The following SLC7A2 variants were observed in gnomAD, a reference collection of about 807,000 sequenced individuals.
SLC7A2 encodes cationic amino acid transporter 2.
SLC7A2 carries 48 observed loss-of-function variants against 58.9 expected under a neutral mutation model. The observed-to-expected ratio is 0.82, with a 90% CI of 0.65 to 1.04. The LOEUF is 1.04. Among genes scored for constraint, SLC7A2 ranks in the 50% least tolerant of loss-of-function variants. The probability of loss-of-function intolerance (pLI) is 0.00; values close to 1 mark genes in which losing one functional copy is unlikely to be tolerated. For missense variants in SLC7A2, 1,029 were observed against 818.8 expected (o/e 1.26, Z -3.13); for synonymous variants, 363 against 314.5 (o/e 1.15, Z -1.63).
intron 10 of SLC7A2, among the ~76,000 whole-genome samples, chr8:17,560,756 C>A: frequency 6.6e-6 from 1 of 152,100 alleles, no homozygotes; most frequent in East Asian, 1.9e-4. Context: ...AGGAATACTT[C>A]AAGACGAGAG....
chr8:17,556,662 G>A (rs1802718198), intron 8 of SLC7A2, among the ~76,000 whole-genome samples: 1 of 151,834 alleles, frequency 6.6e-6, no homozygotes, highest in East Asian at 1.9e-4. Flanking sequence ...AGGCTGGAGT[G>A]TAGTGGCACG....
At chr8:17,549,782 C>G (rs10100029) in intron 5 of SLC7A2, among the ~76,000 whole-genome samples, 15 of 152,136 alleles carry the variant, frequency 9.9e-5, no homozygotes, top group African/African-American at 3.6e-4. Context: ...ATCCTATAAA[C>G]TTACATAGTT....
chr8:17,565,372 A>G lies in SLC7A2; in HGVS notation c.*226A>G. ...ATTCATCAGTGATGAATAGCCCCCA[A>G]ACAGTGGGAGTGTGTATGTATGTGT... On this transcript the variant is annotated 3_prime_UTR_variant, in exon 13 of 13. Transcript: ENST00000494857. The G allele has an allele frequency of 1.9e-6, 1 of 527,314 alleles. No homozygotes were observed. The highest frequency in any genetic ancestry group is 3.2e-5 in the East Asian group (1 of 31,556). The allele number at this position is 527,314 out of a possible 1,614,324, so 32.7% of individuals were successfully genotyped here.
Position 17,544,335 on chromosome 8 carries a change from T to C in SLC7A2, c.377-116T>C, listed in dbSNP as rs1802062112. ...ATTATAAATATCCAGATACTGTATA[T>C]GTGATTAAAATTTTCAATCTTTTGT... On this transcript the variant is annotated intron_variant, in intron 3 of 12. Transcript: ENST00000494857. 4 of 787,476 alleles carry C rather than the reference T, an allele frequency of 5.1e-6. No homozygotes were observed. The Admixed American group carries it at 7.0e-5, about 14-fold the overall frequency. The allele number at this position is 787,476 out of a possible 1,614,324, so 48.8% of individuals were successfully genotyped here.
At chr8:17,542,031 T>A (rs1801934982) in intron 2 of SLC7A2, among the ~76,000 whole-genome samples, 1 of 152,168 alleles carries the variant, frequency 6.6e-6, no homozygotes. Flanking sequence ...TTTGGACTTA[T>A]TTATCTAGAA....
chr8:17,554,731 G>C (rs1802610332), intron 8 of SLC7A2, 32 bp downstream of exon 8: 1 of 1,586,566 alleles, frequency 6.3e-7, no homozygotes, highest in Non-Finnish European at 8.6e-7. Context: ...TTCAGAAACG[G>C]GGGATCTTTT....
chr8:17,523,858 A>G (rs759526878), intron 2 of SLC7A2, among the ~76,000 whole-genome samples: 17 of 152,214 alleles, frequency 1.1e-4, no homozygotes, highest in Non-Finnish European at 2.1e-4. Context: ...TTCACAGTCT[A>G]TACATCTGAC....
At chr8:17,499,896 T>A (rs1245414228) in intron 1 of SLC7A2, 1 of 152,250 alleles carries the variant, frequency 6.6e-6, no homozygotes. Context: ...TAACTTTTCA[T>A]TTTAGTACCT....
chr8:17,517,027 G>C (rs940685642), intron 2 of SLC7A2, among the ~76,000 whole-genome samples: 2 of 152,188 alleles, frequency 1.3e-5, no homozygotes, highest in African/African-American at 4.8e-5. Flanking sequence ...AAGCAGGCTT[G>C]TGCTGTTAAG....
At chr8:17,520,324 C>A (rs1443918883) in intron 2 of SLC7A2, among the ~76,000 whole-genome samples, 1 of 151,972 alleles carries the variant, frequency 6.6e-6, no homozygotes, top group African/African-American at 2.4e-5. Flanking sequence ...ATAAAATGCA[C>A]ACACACGCAC....
intron 1 of SLC7A2, among the ~76,000 whole-genome samples, chr8:17,501,492 T>A (rs145550103): frequency 1.3e-5 from 2 of 152,090 alleles, no homozygotes; most frequent in African/African-American, 2.4e-5. Context: ...TAGTATTATT[T>A]AGACTTTTAT....
chr8:17,520,640 TTAAAAAAAAAAAA>T, intron 2 of SLC7A2: 1 of 44,608 alleles, frequency 2.2e-5, no homozygotes, highest in Non-Finnish European at 3.3e-5. Flanking sequence ...GACTCTGTCT[TTAAAAAAAAAAAA>T]AAAAAAAAAA....
intron 9 of SLC7A2, among the ~76,000 whole-genome samples, chr8:17,559,759 A>G (rs1472615848): frequency 6.6e-6 from 1 of 152,202 alleles, no homozygotes; most frequent in African/African-American, 2.4e-5. Context: ...GCCAAACCAT[A>G]TCACGGCTGA....
At position 17,543,189 on chromosome 8, in the gene SLC7A2, AACACACACACACACAC is replaced by A. The variant is rs112878892; in HGVS notation, c.-22-117_-22-102del. ...TCACTGCATCTCTTCTAACAAGTGAAACACACACACACACACACACACACACAAACACACACACACA... is the reference window on the plus strand; with the variant it reads ...TCACTGCATCTCTTCTAACAAGTGAAACACACACACAAACACACACACACA... On this transcript the variant is annotated intron_variant, in intron 2 of 12. Coordinates refer to ENST00000494857, the MANE Select transcript of SLC7A2 (RefSeq NM_001370338.1). 1.6e-5 allele frequency: 11 copies of A among 673,590 alleles called. No homozygotes were observed. The Admixed American group carries it at 3.4e-4, about 21-fold the overall frequency. 41.7% of individuals were successfully genotyped at this position (673,590 alleles called of 1,614,324 possible).
intron 4 of SLC7A2, among the ~76,000 whole-genome samples, chr8:17,548,254 T>C (rs1802272192): frequency 6.6e-6 from 1 of 152,148 alleles, no homozygotes; most frequent in South Asian, 2.1e-4. Flanking sequence ...GGTGAGAGAA[T>C]TGTTTGAGCA....
rs920855352 is a variant in SLC7A2 at position 17,565,053 on chromosome 8, A to G, written c.1884A>G (p.Ala628=). ...CTTATCCAGACAACGTTCATGCAGC[A>G]GCAGAAGAAAAATCTGCCATTCAAG... ...EDAYPDNVHA[A]AEEKSAIQAN... The change falls in exon 13 of 13, where the codon GCA becomes GCG. Residue 628 remains alanine, a synonymous_variant. Transcript: ENST00000494857. The G allele has an allele frequency of 1.9e-6, 3 of 1,614,048 alleles. No individual in the cohort carries two copies. The highest frequency in any genetic ancestry group is 2.5e-6 in the Non-Finnish European group (3 of 1,179,942).
intron 2 of SLC7A2, among the ~76,000 whole-genome samples, chr8:17,505,404 C>T (rs576926736): frequency 2.0e-5 from 3 of 152,074 alleles, no homozygotes; most frequent in Non-Finnish European, 4.4e-5. Context: ...GAGAACTGGC[C>T]CAGAGGTAGA....
At chr8:17,530,850 G>A (rs186200072) in intron 2 of SLC7A2, among the ~76,000 whole-genome samples, 148 of 152,228 alleles carry the variant, frequency 9.7e-4, no homozygotes, top group Admixed American at 2.6e-3. Context: ...GGTAGTACAG[G>A]TGTGAGCTAC....
At chr8:17,536,667 G>C (rs1801680323) in intron 2 of SLC7A2, among the ~76,000 whole-genome samples, 1 of 152,190 alleles carries the variant, frequency 6.6e-6, no homozygotes, top group South Asian at 2.1e-4. Context: ...TACGGTATTG[G>C]AAAGTGAACA....
Sources: allele counts gnomAD v4.1 joint callset (sites outside exome capture counted in the v4.1 genomes callset), GRCh38; gene constraint gnomAD v4.1.1; transcripts MANE v1.5; gene names NCBI Gene and HGNC (gene_info 2026-07-23, HGNC 2026-07-21).